EFNA5: variants seen among roughly 807,000 people sequenced by gnomAD.
The protein encoded by EFNA5 is ephrin-A5.
Under a neutral mutation model 22.9 loss-of-function variants are expected in EFNA5, and 5 were observed. The ratio of observed to expected loss-of-function variants is 0.22; its 90% CI spans 0.11 to 0.46. The LOEUF is 0.46. Among genes scored for constraint, EFNA5 ranks in the 20% least tolerant of loss-of-function variants. The probability of loss-of-function intolerance (pLI) is 0.99; values close to 1 mark genes in which losing one functional copy is unlikely to be tolerated. For synonymous variants in EFNA5, 113 were observed against 112.2 expected, an observed-to-expected ratio of 1.01 and a Z score of -0.04; for missense variants, 237 against 293.3, an observed-to-expected ratio of 0.81 and a Z score of 1.40.
chr5:107,381,787 T>C (rs970988190), intron 4 of EFNA5, among the ~76,000 whole-genome samples: 1 of 152,214 alleles, frequency 6.6e-6, no homozygotes, highest in Non-Finnish European at 1.5e-5. Context: ...GGCACAGTAG[T>C]GGTTAACCAG....
chr5:107,501,823 G>A (rs763199381), intron 1 of EFNA5, among the ~76,000 whole-genome samples: 5 of 151,778 alleles, frequency 3.3e-5, no homozygotes, highest in East Asian at 2.0e-4. Context: ...TTTAATTCAC[G>A]CCATTAAACA....
At chr5:107,496,355 A>AAC (rs1561412637) in intron 1 of EFNA5, among the ~76,000 whole-genome samples, 8 of 140,670 alleles carry the variant, frequency 5.7e-5, no homozygotes, top group African/African-American at 2.1e-4. Context: ...AAAAAAAAAC[A>AAC]AAAAAACAAA....
At chr5:107,444,063 G>A (rs1376706374) in intron 1 of EFNA5, among the ~76,000 whole-genome samples, 1 of 152,098 alleles carries the variant, frequency 6.6e-6, no homozygotes, top group African/African-American at 2.4e-5. Flanking sequence ...CATCATCCAT[G>A]TGGACACAGC....
At chr5:107,609,018 T>C (rs1301318146) in intron 1 of EFNA5, among the ~76,000 whole-genome samples, 3 of 152,198 alleles carry the variant, frequency 2.0e-5, no homozygotes, top group Non-Finnish European at 4.4e-5. Context: ...GAATTCTGAG[T>C]GTTATAGTTC....
At chr5:107,504,431 T>C (rs1401729841) in intron 1 of EFNA5, among the ~76,000 whole-genome samples, 2 of 152,206 alleles carry the variant, frequency 1.3e-5, no homozygotes, top group African/African-American at 4.8e-5. Flanking sequence ...AAAGCTACCT[T>C]ACTAAAATAT....
At chr5:107,614,778 G>A (rs1309081810) in intron 1 of EFNA5, among the ~76,000 whole-genome samples, 2 of 152,046 alleles carry the variant, frequency 1.3e-5, no homozygotes, top group Non-Finnish European at 2.9e-5. Flanking sequence ...AAGCAAGAAA[G>A]GCAAAGATCC....
At chr5:107,561,954 C>A (rs892863539) in intron 1 of EFNA5, among the ~76,000 whole-genome samples, 1 of 151,980 alleles carries the variant, frequency 6.6e-6, no homozygotes, top group Non-Finnish European at 1.5e-5. Flanking sequence ...CGTAAGGAAC[C>A]GAATGCAGTG....
intron 1 of EFNA5, among the ~76,000 whole-genome samples, chr5:107,571,552 T>A (rs549425095): frequency 1.5e-3 from 225 of 151,460 alleles, no homozygotes; most frequent in African/African-American, 5.2e-3. Flanking sequence ...TTTTTTTTTT[T>A]AAAGAATAAA....
chr5:107,664,647 G>C lies in EFNA5; in HGVS notation c.125+5842C>G, dbSNP rs185927461. Reference sequence around the variant, plus strand: ...ACTCCTCTTTGAGGATTTTATACCTGAAAATGAAGGTGTTATCCATCACAA... The same window carrying C: ...ACTCCTCTTTGAGGATTTTATACCTCAAAATGAAGGTGTTATCCATCACAA... On this transcript the variant is annotated intron_variant, in intron 1 of 4. Transcript: ENST00000333274. Among the ~76,000 whole-genome samples the C allele has an allele frequency of 5.4e-4, 82 of 152,198 alleles. No individual in the cohort carries two copies. The East Asian group carries it at 0.015, about 28-fold the overall frequency.
chr5:107,480,653 C>A (rs1165810221), intron 1 of EFNA5, among the ~76,000 whole-genome samples: 1 of 152,130 alleles, frequency 6.6e-6, no homozygotes, highest in Non-Finnish European at 1.5e-5. Context: ...GTATAAAAAG[C>A]AAATAAAGCC....
chr5:107,405,640 G>A (rs1748189150), intron 2 of EFNA5, among the ~76,000 whole-genome samples: 1 of 152,058 alleles, frequency 6.6e-6, no homozygotes, highest in Non-Finnish European at 1.5e-5. Context: ...AAGCAAAAAG[G>A]ATTCTGCTAT....
intron 1 of EFNA5, among the ~76,000 whole-genome samples, chr5:107,567,464 T>G (rs1358200861): frequency 6.6e-6 from 1 of 152,214 alleles, no homozygotes; most frequent in East Asian, 1.9e-4. Context: ...GTGCATACTT[T>G]CAAGCTCTGG....
At chr5:107,574,485 C>A (rs768612670) in intron 1 of EFNA5, among the ~76,000 whole-genome samples, 1 of 152,230 alleles carries the variant, frequency 6.6e-6, no homozygotes, top group East Asian at 1.9e-4. Context: ...GTGCCAACAA[C>A]CTCTGGCTTC....
At chr5:107,580,796 C>A (rs1424802260) in intron 1 of EFNA5, among the ~76,000 whole-genome samples, 2 of 151,220 alleles carry the variant, frequency 1.3e-5, no homozygotes, top group Non-Finnish European at 2.9e-5. Flanking sequence ...GAAAAATAAG[C>A]ATGCGCCCAC....
intron 1 of EFNA5, among the ~76,000 whole-genome samples, chr5:107,505,711 T>A (rs1446805869): frequency 2.6e-5 from 4 of 152,242 alleles, no homozygotes; most frequent in African/African-American, 9.6e-5. Flanking sequence ...ACCTCCTATG[T>A]ACACAACACT....
intron 2 of EFNA5, among the ~76,000 whole-genome samples, chr5:107,410,191 C>T (rs1194345671): frequency 6.6e-6 from 1 of 151,998 alleles, no homozygotes; most frequent in Non-Finnish European, 1.5e-5. Context: ...CCACACCCGG[C>T]TAATTTCTTT....
intron 1 of EFNA5, among the ~76,000 whole-genome samples, chr5:107,614,568 G>A (rs1749877241): frequency 6.6e-6 from 1 of 152,110 alleles, no homozygotes; most frequent in African/African-American, 2.4e-5. Context: ...TGCCTAGTTT[G>A]AAGACAACAC....
intron 1 of EFNA5, among the ~76,000 whole-genome samples, chr5:107,604,814 CTCA>C (rs1749677457): frequency 6.6e-6 from 1 of 152,108 alleles, no homozygotes; most frequent in South Asian, 2.1e-4. Context: ...TCAAAAATCA[CTCA>C]TCTATTCCCA....
chr5:107,515,709 A>G (rs1221173437), intron 1 of EFNA5, among the ~76,000 whole-genome samples: 1 of 152,092 alleles, frequency 6.6e-6, no homozygotes, highest in East Asian at 1.9e-4. Context: ...TGTTTTATCT[A>G]CTTAAGGCCT....
Sources: allele counts gnomAD v4.1 joint callset (sites outside exome capture counted in the v4.1 genomes callset), GRCh38; gene constraint gnomAD v4.1.1; transcripts MANE v1.5; gene names NCBI Gene and HGNC (gene_info 2026-07-23, HGNC 2026-07-21).